CAPRIN2: variants seen among roughly 807,000 people sequenced by gnomAD.
CAPRIN2 encodes the protein caprin family member 2.
A neutral mutation model predicts 130.4 loss-of-function variants in CAPRIN2; 66 were observed. That is an observed-to-expected ratio of 0.51 (90% CI 0.42 to 0.62). CAPRIN2 has a LOEUF of 0.62. Ranked by LOEUF, CAPRIN2 falls within the 20% of genes least tolerant of loss-of-function variation. CAPRIN2 has a pLI of 0.00. For synonymous variants in CAPRIN2, 471 were observed against 444.1 expected, an observed-to-expected ratio of 1.06 and a Z score of -0.76; for missense variants, 1,185 against 1,246.6, an observed-to-expected ratio of 0.95 and a Z score of 0.74.
intron 3 of CAPRIN2, among the ~76,000 whole-genome samples, chr12:30,739,844 C>A (rs546183179): frequency 6.6e-6 from 1 of 152,056 alleles, no homozygotes; most frequent in South Asian, 2.1e-4. Flanking sequence ...GTGCCTGGCA[C>A]AAGGTAGGCA....
intron 3 of CAPRIN2, among the ~76,000 whole-genome samples, chr12:30,740,566 T>C (rs10734793): frequency 0.29 from 43,641 of 152,050 alleles, 6,459 homozygotes; most frequent in Non-Finnish European, 0.33. Context: ...CTATTTAACA[T>C]GAGTCATTAA....
chr12:30,711,694 A>C, intron 15 of CAPRIN2, 65 bp from the exon 18 acceptor site: 2 of 1,313,846 alleles, frequency 1.5e-6, no homozygotes, highest in South Asian at 2.4e-5. Flanking sequence ...GTTATTACAC[A>C]GGACTACCGG....
At chr12:30,711,793 C>T (rs779151206) in intron 15 of CAPRIN2, 164 bp from the exon 18 acceptor site, 8 of 706,182 alleles carry the variant, frequency 1.1e-5, no homozygotes, top group Non-Finnish European at 1.8e-5. Context: ...CTAAGAAAAA[C>T]AAAGCAAGGG....
intron 3 of CAPRIN2, among the ~76,000 whole-genome samples, chr12:30,737,117 A>C (rs2065190083): frequency 6.6e-6 from 1 of 151,128 alleles, no homozygotes; most frequent in Admixed American, 6.6e-5. Flanking sequence ...TGATCCTCCC[A>C]CCTCAGCCTC....
intron 4 of CAPRIN2, among the ~76,000 whole-genome samples, chr12:30,734,480 A>G (rs189682865): frequency 2.4e-4 from 37 of 152,326 alleles, no homozygotes; most frequent in African/African-American, 8.2e-4. Flanking sequence ...TATCAAATGT[A>G]TTTATCACTA....
intron 14 of CAPRIN2, among the ~76,000 whole-genome samples, chr12:30,714,734 C>T (rs982472565): frequency 2.6e-5 from 4 of 152,172 alleles, no homozygotes; most frequent in Non-Finnish European, 4.4e-5. Context: ...TATGGTGAAA[C>T]TTTCCACTTC....
In CAPRIN2 at chr12:30,733,807, A is replaced by G. The variant is rs1301848269; in HGVS notation, c.810-96T>C. 4 of 798,290 alleles carry G rather than the reference A, an allele frequency of 5.0e-6. No homozygotes were observed. In the African/African-American group the frequency reaches 5.2e-5, roughly 10 times the overall value. 49.5% of individuals were successfully genotyped at this position (798,290 alleles called of 1,614,324 possible). A position where few individuals can be genotyped will look rare whatever the true frequency, so the allele number is the denominator to read the frequency against. Reference sequence around the variant, plus strand: ...GCAATATAACCCATTAACAGACAAGACATTCAAATGTTAATTTTGTCTTTT... The same window carrying G: ...GCAATATAACCCATTAACAGACAAGGCATTCAAATGTTAATTTTGTCTTTT... On this transcript the variant is annotated intron_variant, in intron 4 of 16. Transcript: ENST00000298892.
intron 3 of CAPRIN2, 124 bp from the exon 5 acceptor site, chr12:30,735,330 A>G: frequency 1.3e-6 from 1 of 773,650 alleles, no homozygotes; most frequent in Non-Finnish European, 2.2e-6. Context: ...CTGTCAAACT[A>G]CCAGTTTAGT....
intron 3 of CAPRIN2, among the ~76,000 whole-genome samples, chr12:30,740,497 G>A (rs1409764403): frequency 5.9e-5 from 9 of 152,092 alleles, no homozygotes; most frequent in Non-Finnish European, 1.0e-4. Flanking sequence ...ATTTGTCAGA[G>A]ATAAAATTTT....
At chr12:30,720,632 T>G in intron 12 of CAPRIN2, 179 bp downstream of exon 13, 1 of 518,838 alleles carries the variant, frequency 1.9e-6, no homozygotes, top group Non-Finnish European at 3.5e-6. Context: ...TCTATTTATA[T>G]GGCAAAGCTA....
In CAPRIN2 at chr12:30,710,144, T is replaced by C; in HGVS notation, c.2992A>G (p.Ile998Val). ...ACTGCCAGCTTTAGCATGTGAAAAA[T>C]GAAAACGTAAGTGCCATTCACTGGG... is the stretch of plus-strand genomic sequence containing the variant. The change falls in exon 17 of 17, where the codon ATT becomes GTT. Residue 998 changes from isoleucine (I) to valine (V), a missense_variant. Coordinates refer to ENST00000298892, the Ensembl canonical transcript of CAPRIN2. This position sits in a 1 kb window ranked among gnomAD's most constrained non-coding sequence, Gnocchi z 4.8. 1 of 1,614,056 alleles carries C rather than the reference T, an allele frequency of 6.2e-7. No homozygotes were observed. The highest frequency in any genetic ancestry group is 8.5e-7 in the Non-Finnish European group (1 of 1,180,012).
At chr12:30,752,428 T>C (rs7971870) in intron 1 of CAPRIN2, among the ~76,000 whole-genome samples, 73,559 of 151,782 alleles carry the variant, frequency 0.48, 18,347 homozygotes, top group African/African-American at 0.56. Flanking sequence ...CCTGCTTTGA[T>C]CATTTATCAC....
chr12:30,736,397 CA>C (rs201366580), intron 3 of CAPRIN2, among the ~76,000 whole-genome samples: 1,635 of 133,242 alleles, frequency 0.012, 34 homozygotes, highest in East Asian at 0.11. Context: ...GATTAAAATA[CA>C]AAAAAAAAAA....
intron 8 of CAPRIN2, among the ~76,000 whole-genome samples, chr12:30,726,859 T>C (rs896968721): frequency 2.0e-5 from 3 of 152,198 alleles, no homozygotes. Context: ...TCTAGTCTTT[T>C]GGCTTTGAAC....
exon 8 of CAPRIN2, chr12:30,728,882 T>C (rs2061726815): frequency 6.2e-7 from 1 of 1,614,166 alleles, no homozygotes; most frequent in South Asian, 1.1e-5. Context: ...GCATGGAAGG[T>C]GTCCAAGACT....
At position 30,727,089 on chromosome 12, in the gene CAPRIN2, G is replaced by A. The variant is rs566760031; in HGVS notation, c.1783-1001C>T. Among the ~76,000 whole-genome samples the A allele has an allele frequency of 3.9e-5, 6 of 152,206 alleles. 1 individual carries two copies. Among genetic ancestry groups the A allele is most frequent in the Admixed American group, 2.6e-4 (4 of 15,290 alleles). ...GATTTTAAATGCAATTCATCAAATA[G>A]CATGATAATATTCTGGTATGATAAA... On this transcript the variant is annotated intron_variant, in intron 8 of 16. Coordinates refer to ENST00000298892, the Ensembl canonical transcript of CAPRIN2.
chr12:30,753,421 A>T (rs2074938865), exon 1 of CAPRIN2: 1 of 1,613,874 alleles, frequency 6.2e-7, no homozygotes, highest in African/African-American at 1.3e-5. Flanking sequence ...TACGCTTGGG[A>T]AGGAGATGCA....
At chr12:30,722,454 C>A (rs576777229) in intron 11 of CAPRIN2, among the ~76,000 whole-genome samples, 68 of 152,244 alleles carry the variant, frequency 4.5e-4, no homozygotes, top group Non-Finnish European at 8.7e-4. Flanking sequence ...CTAAGCTAGA[C>A]CAGTGCTTTT....
At chr12:30,715,360 C>T (rs1429273653) in intron 13 of CAPRIN2, 1 of 619,664 alleles carries the variant, frequency 1.6e-6, no homozygotes, top group East Asian at 3.2e-5. Flanking sequence ...AAAATTTTGA[C>T]CCATGCTACA....
Sources: gnomAD v4.1 joint callset for allele counts (sites outside exome capture counted in the v4.1 genomes callset) on GRCh38, gnomAD v4.1.1 for gene constraint, Gnocchi (gnomAD v3.1) non-coding constraint, MANE v1.5 for transcripts, NCBI Gene and HGNC (gene_info 2026-07-23, HGNC 2026-07-21) for gene names.